Variants in TSPAN9 observed in about 807,000 individuals in gnomAD.
TSPAN9 encodes tetraspanin 9, also known as tetraspanin-9.
Under a neutral mutation model 31.0 loss-of-function variants are expected in TSPAN9, and 16 were observed. That is an observed-to-expected ratio of 0.52 (90% CI 0.35 to 0.78). The LOEUF (loss-of-function observed/expected upper bound fraction) is 0.78. TSPAN9 is among the 30% of genes least tolerant of loss of function. TSPAN9 has a pLI of 0.01. For missense variants in TSPAN9, 272 were observed against 312.5 expected, an observed-to-expected ratio of 0.87 and a Z score of 0.98; for synonymous variants, 145 against 121.6, an observed-to-expected ratio of 1.19 and a Z score of -1.27.
At chr12:3,282,981 C>G (rs1023462792) in intron 8 of TSPAN9, 64 bp from the exon 9 acceptor site, 1 of 1,559,478 alleles carries the variant, frequency 6.4e-7, no homozygotes, top group East Asian at 2.3e-5. Context: ...CCAAGCCTCT[C>G]GGGGCTGAGG....
chr12:3,079,771 ATTTTT>A (rs34675914), intron 1 of TSPAN9, among the ~76,000 whole-genome samples: 1 of 129,692 alleles, frequency 7.7e-6, no homozygotes, highest in Non-Finnish European at 1.6e-5. Flanking sequence ...CCCTTCTTCT[ATTTTT>A]TTTTTTTTTT....
At chr12:3,276,383 C>T (rs1254639962) in intron 3 of TSPAN9, among the ~76,000 whole-genome samples, 1 of 152,248 alleles carries the variant, frequency 6.6e-6, no homozygotes, top group Non-Finnish European at 1.5e-5. Flanking sequence ...GGCCTGGCCC[C>T]CGGCCACCCC....
chr12:3,246,780 C>T (rs644409), intron 3 of TSPAN9, among the ~76,000 whole-genome samples: 131,373 of 151,912 alleles, frequency 0.86, 58,434 homozygotes, highest in Non-Finnish European at 0.98. Context: ...TGAATACCGC[C>T]CCACCATCCC....
At chr12:3,145,925 G>A (rs2098337002) in intron 2 of TSPAN9, among the ~76,000 whole-genome samples, 1 of 152,246 alleles carries the variant, frequency 6.6e-6, no homozygotes, top group Admixed American at 6.5e-5. Context: ...AGGCCTCTTG[G>A]CAGGCAGAAG....
intron 3 of TSPAN9, among the ~76,000 whole-genome samples, chr12:3,247,875 T>G (rs659708): frequency 0.013 from 2,017 of 152,308 alleles, 20 homozygotes; most frequent in Middle Eastern, 0.027. Flanking sequence ...CCCACCATCC[T>G]GCAGAAATGC....
rs573991626 is a variant in TSPAN9 at position 3,105,840 on chromosome 12, A to T, written c.-18+22121A>T. On this transcript the variant is annotated intron_variant, in intron 2 of 8. Transcript: ENST00000011898. Reference sequence around the variant, plus strand: ...CACACGCGCACACACACTTTCATACACACGCTCACACACGTTCACACACAC... The same window carrying T: ...CACACGCGCACACACACTTTCATACTCACGCTCACACACGTTCACACACAC... 6.9e-3 allele frequency among the ~76,000 whole-genome samples: 848 copies of T among 123,038 alleles called. 10 individuals are homozygous for T. The highest frequency in any genetic ancestry group is 0.022 in the African/African-American group (791 of 35,990). The allele number at this position is 123,038 out of a possible 152,430, so 80.7% of individuals were successfully genotyped here.
At chr12:3,219,703 C>A (rs997833701) in intron 3 of TSPAN9, among the ~76,000 whole-genome samples, 1 of 152,004 alleles carries the variant, frequency 6.6e-6, no homozygotes, top group Non-Finnish European at 1.5e-5. Context: ...ACCCTGGGGC[C>A]TGTCGGGGGG....
In TSPAN9 at chr12:3,147,079, A is replaced by T. The variant is rs2098337601; in HGVS notation, c.-17-54098A>T. Among the ~76,000 whole-genome samples the T allele has an allele frequency of 1.3e-5, 2 of 152,050 alleles. No individual in the cohort carries two copies. Among genetic ancestry groups the T allele is most frequent in the Admixed American group, 1.3e-4 (2 of 15,258 alleles). On this transcript the variant is annotated intron_variant, in intron 2 of 8. Transcript: ENST00000011898. The surrounding 1 kb of genome is among the most constrained non-coding windows in gnomAD (Gnocchi z 4.3). ...TACCTTGATTTTAAGGTGTTTGATT[A>T]AAACTAGCATTCTCTCCCCTTTTCT...
At position 3,227,889 on chromosome 12, in the gene TSPAN9, C is replaced by A. The variant is rs140015118; in HGVS notation, c.63+26633C>A. ...CTTCTGCCGAGGTTATAATAATGAT[C>A]TAACGATGACTGGTGTTCATGGGGT... On this transcript the variant is annotated intron_variant, in intron 3 of 8. Transcript: ENST00000011898. Among the ~76,000 whole-genome samples, 41 of 152,302 alleles carry A rather than the reference C, an allele frequency of 2.7e-4. No homozygotes were observed. The South Asian group carries it at 6.0e-3, about 22-fold the overall frequency.
At chr12:3,174,501 C>T (rs1200581519) in intron 2 of TSPAN9, among the ~76,000 whole-genome samples, 1 of 152,218 alleles carries the variant, frequency 6.6e-6, no homozygotes, top group Non-Finnish European at 1.5e-5. Flanking sequence ...GTGTGTTCTG[C>T]TGTGTTTGGG....
intron 2 of TSPAN9, among the ~76,000 whole-genome samples, chr12:3,135,703 C>A (rs2098331804): frequency 1.3e-5 from 2 of 152,104 alleles, no homozygotes; most frequent in South Asian, 4.1e-4. Context: ...AAGTCAAGCC[C>A]TTTGGTCTGG....
intron 3 of TSPAN9, among the ~76,000 whole-genome samples, chr12:3,209,994 G>C (rs1186611826): frequency 1.4e-5 from 2 of 145,620 alleles, no homozygotes; most frequent in Non-Finnish European, 3.0e-5. Context: ...AAATTAGCCG[G>C]GTGTGGTGGC....
chr12:3,280,253 A>T lies in TSPAN9; in HGVS notation c.331-129A>T, dbSNP rs956632060. 41 of 810,454 alleles carry T rather than the reference A, an allele frequency of 5.1e-5. No homozygotes were observed. Among genetic ancestry groups the T allele is most frequent in the Non-Finnish European group, 7.8e-5 (39 of 501,216 alleles). 50.2% of individuals were successfully genotyped at this position (810,454 alleles called of 1,614,324 possible). A position where few individuals can be genotyped will look rare whatever the true frequency, so the allele number is the denominator to read the frequency against. ...CCCACCCCAGTGGGCAGGGCCTTCC[A>T]GACCAGCTGCCTTCCCTGCCTTCCT... On this transcript the variant is annotated intron_variant, in intron 5 of 8. Coordinates refer to ENST00000011898, the MANE Select transcript of TSPAN9 (RefSeq NM_006675.5). The surrounding 1 kb of genome is among the most constrained non-coding windows in gnomAD (Gnocchi z 4.5).
rs895854835 is a variant in TSPAN9, at chr12:3,220,236, A to G, written c.63+18980A>G. 5.3e-5 allele frequency among the ~76,000 whole-genome samples: 8 copies of G among 152,162 alleles called. No individual in the cohort carries two copies. The South Asian group carries it at 1.5e-3, about 28-fold the overall frequency. ...AACAGCTACCATTTCTGAAGCTGAC[A>G]CCGTGCTGTGCCGTGGCCCAGGCTC... is the stretch of plus-strand genomic sequence containing the variant. On this transcript the variant is annotated intron_variant, in intron 3 of 8. Coordinates refer to ENST00000011898, the MANE Select transcript of TSPAN9 (RefSeq NM_006675.5).
intron 2 of TSPAN9, among the ~76,000 whole-genome samples, chr12:3,197,520 G>A (rs2098367645): frequency 1.3e-5 from 2 of 152,194 alleles, no homozygotes; most frequent in Non-Finnish European, 2.9e-5. Context: ...AGGGGCTCAG[G>A]ATGGTAAAAC....
At chr12:3,189,570 G>A (rs1393064090) in intron 2 of TSPAN9, among the ~76,000 whole-genome samples, 1 of 152,142 alleles carries the variant, frequency 6.6e-6, no homozygotes, top group African/African-American at 2.4e-5. Flanking sequence ...ACCTGGGCTG[G>A]AGCAACCTAA....
chr12:3,119,410 T>C (rs543899196), intron 2 of TSPAN9, among the ~76,000 whole-genome samples: 26 of 152,306 alleles, frequency 1.7e-4, no homozygotes, highest in African/African-American at 6.0e-4. Context: ...TCCGTGTTCT[T>C]TCCAGGTGGG....
rs558223327 is a variant in TSPAN9, at chr12:3,251,303, C to T, written c.64-27118C>T. ...CACAGGCCCCAGCAGTGAGCTGCCC[C>T]GGTGATGAAATCCCCTCGCATTGGT... On this transcript the variant is annotated intron_variant, in intron 3 of 8. Transcript: ENST00000011898. Among the ~76,000 whole-genome samples, 19 of 152,106 alleles carry T rather than the reference C, an allele frequency of 1.2e-4. No homozygotes were observed. The East Asian group carries it at 2.3e-3, about 19-fold the overall frequency.
At chr12:3,207,462 T>C (rs76949821) in intron 3 of TSPAN9, among the ~76,000 whole-genome samples, 2,045 of 152,196 alleles carry the variant, frequency 0.013, 23 homozygotes, top group South Asian at 0.04. Flanking sequence ...GGTTGGGGTC[T>C]GATCCTGGCA....
Sources: allele counts gnomAD v4.1 joint callset (sites outside exome capture counted in the v4.1 genomes callset), GRCh38; gene constraint gnomAD v4.1.1; non-coding constraint Gnocchi (gnomAD v3.1); transcripts MANE v1.5; gene names NCBI Gene and HGNC (gene_info 2026-07-23, HGNC 2026-07-21).